Variants in NRG1 observed in about 807,000 individuals in gnomAD.
NRG1 encodes pro-neuregulin-1, membrane-bound isoform.
A neutral mutation model predicts 63.8 loss-of-function variants in NRG1; 18 were observed. The ratio of observed to expected loss-of-function variants is 0.28; its 90% CI spans 0.19 to 0.42. The LOEUF is 0.42. NRG1 is among the 10% of genes least tolerant of loss of function. The pLI is 1.00. For synonymous variants in NRG1, 302 were observed against 301.3 expected, an observed-to-expected ratio of 1.00 and a Z score of -0.02; for missense variants, 762 against 814.7, an observed-to-expected ratio of 0.94 and a Z score of 0.79.
At chr8:32,157,725 G>T (rs1838303461) in intron 1 of NRG1, among the ~76,000 whole-genome samples, 1 of 149,994 alleles carries the variant, frequency 6.7e-6, no homozygotes, top group Admixed American at 6.7e-5. Flanking sequence ...TCTATATATA[G>T]AGAGAATAAA....
intron 1 of NRG1, among the ~76,000 whole-genome samples, chr8:32,026,872 T>C (rs1817462053): frequency 6.6e-6 from 1 of 152,194 alleles, no homozygotes; most frequent in Non-Finnish European, 1.5e-5. Flanking sequence ...TTGTTTAAAG[T>C]ATTCACTTTT....
chr8:32,584,121 CTT>C (rs1841196699), intron 1 of NRG1, among the ~76,000 whole-genome samples: 2 of 152,180 alleles, frequency 1.3e-5, no homozygotes, highest in South Asian at 4.1e-4. Context: ...AGGGCACTGA[CTT>C]CCATCATACG....
intron 1 of NRG1, among the ~76,000 whole-genome samples, chr8:31,923,166 G>GT (rs1418179287): frequency 3.9e-5 from 6 of 151,962 alleles, no homozygotes; most frequent in African/African-American, 7.3e-5. Flanking sequence ...TTAAAAAACA[G>GT]TTTTTTTCTA....
chr8:32,285,391 A>C (rs1467564411), intron 1 of NRG1, among the ~76,000 whole-genome samples: 4 of 152,166 alleles, frequency 2.6e-5, no homozygotes, highest in African/African-American at 9.7e-5. Flanking sequence ...CACAAACTAA[A>C]AATCTCAGAC....
intron 1 of NRG1, among the ~76,000 whole-genome samples, chr8:32,218,176 G>T (rs917926751): frequency 3.3e-5 from 5 of 152,166 alleles, no homozygotes; most frequent in Non-Finnish European, 7.3e-5. Flanking sequence ...GCCTAACTCT[G>T]TCTCTGTGCA....
intron 1 of NRG1, among the ~76,000 whole-genome samples, chr8:32,047,736 A>G (rs952056583): frequency 6.6e-6 from 1 of 152,068 alleles, no homozygotes. Context: ...TATCAAATTA[A>G]CATATGTATT....
At chr8:31,663,341 A>G (rs923331117) in intron 1 of NRG1, among the ~76,000 whole-genome samples, 2 of 152,170 alleles carry the variant, frequency 1.3e-5, no homozygotes, top group Admixed American at 6.6e-5. Flanking sequence ...TTATTATTCT[A>G]TGTTTATTTC....
chr8:32,016,159 C>A (rs1815499539), intron 1 of NRG1, among the ~76,000 whole-genome samples: 1 of 152,076 alleles, frequency 6.6e-6, no homozygotes, highest in African/African-American at 2.4e-5. Context: ...CAGGCTGTTT[C>A]AGGTATAAAT....
chr8:32,482,277 G>GCATATAA (rs1231631303), intron 1 of NRG1, among the ~76,000 whole-genome samples: 9 of 152,092 alleles, frequency 5.9e-5, no homozygotes, highest in African/African-American at 2.2e-4. Flanking sequence ...TCAAAATGAG[G>GCATATAA]CATATAACAG....
At chr8:32,148,000 G>C (rs529709393) in intron 1 of NRG1, among the ~76,000 whole-genome samples, 1 of 152,130 alleles carries the variant, frequency 6.6e-6, no homozygotes, top group South Asian at 2.1e-4. Context: ...AAACATAGTG[G>C]TCAAATAAAC....
chr8:32,666,479 A>G (rs534648579), intron 5 of NRG1, among the ~76,000 whole-genome samples: 197 of 152,084 alleles, frequency 1.3e-3, no homozygotes, highest in South Asian at 5.6e-3. Flanking sequence ...GCATTTTAAT[A>G]TTTTTCAAGA....
chr8:32,425,206 T>A (rs1817207254), intron 1 of NRG1, among the ~76,000 whole-genome samples: 1 of 152,206 alleles, frequency 6.6e-6, no homozygotes, highest in Non-Finnish European at 1.5e-5. Flanking sequence ...AATGCATGCC[T>A]CTTTGGAATG....
At chr8:31,901,131 A>T (rs1205306106) in intron 1 of NRG1, among the ~76,000 whole-genome samples, 2 of 152,348 alleles carry the variant, frequency 1.3e-5, no homozygotes, top group Admixed American at 1.3e-4. Context: ...ATGAAGATGA[A>T]CATTTATAAC....
chr8:32,086,093 T>C (rs1018308023), intron 1 of NRG1, among the ~76,000 whole-genome samples: 1 of 152,234 alleles, frequency 6.6e-6, no homozygotes, highest in East Asian at 1.9e-4. Flanking sequence ...GTAGAAATTA[T>C]GCTCTCATTA....
At chr8:32,617,991 G>A (rs893886049) in intron 5 of NRG1, among the ~76,000 whole-genome samples, 1 of 152,140 alleles carries the variant, frequency 6.6e-6, no homozygotes, top group Admixed American at 6.5e-5. Context: ...TAACTGGATT[G>A]ATGGCAATAG....
Position 32,183,994 on chromosome 8 carries a change from G to T in NRG1, c.38-411834G>T, listed in dbSNP as rs76022868. Among the ~76,000 whole-genome samples, 103 of 152,130 alleles carry T rather than the reference G, an allele frequency of 6.8e-4. 1 individual carries two copies. In the East Asian group the frequency reaches 0.019, roughly 28 times the overall value. On this transcript the variant is annotated intron_variant, in intron 1 of 10. Transcript: ENST00000519301. ...GTCATTATTTTCTTACACAACTAGGGTATATAGTTTAGAATGTGATAGAAT... is the reference window on the plus strand; with the variant it reads ...GTCATTATTTTCTTACACAACTAGGTTATATAGTTTAGAATGTGATAGAAT...
chr8:32,289,347 C>G (rs182352518), intron 1 of NRG1, among the ~76,000 whole-genome samples: 63 of 152,074 alleles, frequency 4.1e-4, no homozygotes, highest in African/African-American at 1.4e-3. Context: ...TCTCCAGCTC[C>G]TCAGGAATAG....
intron 1 of NRG1, among the ~76,000 whole-genome samples, chr8:32,380,973 T>C (rs1043780677): frequency 3.9e-5 from 6 of 152,188 alleles, no homozygotes; most frequent in South Asian, 2.1e-4. Context: ...TTGTAAACTA[T>C]AGTCACCCTA....
rs750640301 is a variant in NRG1, at chr8:32,614,501, CT to C, written c.401-4del. 2.1e-5 allele frequency: 33 copies of C among 1,572,220 alleles called. No homozygotes were observed. Among genetic ancestry groups the C allele is most frequent in the Admixed American group, 3.4e-5 (2 of 58,498 alleles). ...TTTATATATCATAATGTCCTATCAC[CT>C]TTTTTTTTCAGAGATCATCACTGGT... On this transcript the variant is annotated splice_polypyrimidine_tract_variant and intron_variant, in intron 3 of 11. Transcript: ENST00000356819.
Sources: gnomAD v4.1 joint callset for allele counts (sites outside exome capture counted in the v4.1 genomes callset) on GRCh38, gnomAD v4.1.1 for gene constraint, MANE v1.5 for transcripts, NCBI Gene and HGNC (gene_info 2026-07-23, HGNC 2026-07-21) for gene names.